The following KHDRBS2 variants were observed in gnomAD, a reference collection of about 807,000 sequenced individuals.
The protein encoded by KHDRBS2 is KH domain-containing, RNA-binding, signal transduction-associated protein 2.
Under a neutral mutation model 44.3 loss-of-function variants are expected in KHDRBS2, and 26 were observed. The observed-to-expected ratio is 0.59, with a 90% CI of 0.43 to 0.81. The LOEUF (loss-of-function observed/expected upper bound fraction) is 0.81. Ranked by LOEUF, KHDRBS2 falls within the 40% of genes least tolerant of loss-of-function variation. KHDRBS2 has a pLI of 0.00. For synonymous variants in KHDRBS2, 194 were observed against 151.1 expected (o/e 1.28, Z -2.08); for missense variants, 476 against 433.1 (o/e 1.10, Z -0.88).
At chr6:61,776,445 GA>G (rs1256309202) in intron 6 of KHDRBS2, among the ~76,000 whole-genome samples, 1 of 151,142 alleles carries the variant, frequency 6.6e-6, no homozygotes, top group African/African-American at 2.4e-5. Flanking sequence ...AAATTTACAA[GA>G]AAAAAACAAC....
the KHDRBS2 span, among the ~76,000 whole-genome samples, chr6:61,570,694 A>C: frequency 6.6e-6 from 1 of 152,208 alleles, no homozygotes; most frequent in East Asian, 1.9e-4. Context: ...CCTATAGAGG[A>C]AAACCTATCA....
the KHDRBS2 span, among the ~76,000 whole-genome samples, chr6:61,629,269 A>G: frequency 4.6e-5 from 7 of 152,208 alleles, no homozygotes; most frequent in African/African-American, 1.7e-4. Flanking sequence ...TGCACCTTTA[A>G]GTATAATAAG....
intron 1 of KHDRBS2, among the ~76,000 whole-genome samples, chr6:62,200,849 T>G (rs1826814005): frequency 6.6e-6 from 1 of 152,138 alleles, no homozygotes; most frequent in Non-Finnish European, 1.5e-5. Context: ...TGTCCAACAA[T>G]GATAGACTGG....
intron 3 of KHDRBS2, among the ~76,000 whole-genome samples, chr6:62,027,491 T>C (rs58054740): frequency 0.024 from 3,710 of 152,182 alleles, 147 homozygotes; most frequent in African/African-American, 0.082. Context: ...CCCATCTCTT[T>C]TCTTCACACC....
intron 3 of KHDRBS2, among the ~76,000 whole-genome samples, chr6:62,019,198 TTCGTATTAG>T (rs890869488): frequency 3.9e-5 from 6 of 151,996 alleles, no homozygotes; most frequent in African/African-American, 1.2e-4. Flanking sequence ...ACTAATAAAA[TTCGTATTAG>T]TAGTATTAGT....
chr6:62,051,070 T>C (rs1788918520), intron 2 of KHDRBS2, among the ~76,000 whole-genome samples: 1 of 152,092 alleles, frequency 6.6e-6, no homozygotes, highest in Admixed American at 6.6e-5. Context: ...ATATATGGTG[T>C]TAGACTTCAT....
chr6:62,055,456 AACATG>A (rs1790049506), intron 2 of KHDRBS2, among the ~76,000 whole-genome samples: 1 of 152,030 alleles, frequency 6.6e-6, no homozygotes, highest in African/African-American at 2.4e-5. Context: ...AGTGTGGAGA[AACATG>A]TACTTATATA....
the KHDRBS2 span, among the ~76,000 whole-genome samples, chr6:61,600,827 A>G: frequency 6.6e-6 from 1 of 152,120 alleles, no homozygotes; most frequent in East Asian, 1.9e-4. Context: ...TCACTATCCC[A>G]CAACCTCTTT....
At chr6:62,090,845 A>G (rs1389015267) in intron 2 of KHDRBS2, among the ~76,000 whole-genome samples, 1 of 152,180 alleles carries the variant, frequency 6.6e-6, no homozygotes, top group African/African-American at 2.4e-5. Context: ...AGGAAACATC[A>G]TTATATTCCT....
At chr6:61,798,646 A>G (rs1785767464) in intron 6 of KHDRBS2, among the ~76,000 whole-genome samples, 1 of 152,038 alleles carries the variant, frequency 6.6e-6, no homozygotes, top group African/African-American at 2.4e-5. Flanking sequence ...ATAAATGCAA[A>G]TAATTATCTT....
intron 8 of KHDRBS2, among the ~76,000 whole-genome samples, chr6:61,694,793 G>C (rs1187366395): frequency 2.6e-5 from 4 of 151,990 alleles, no homozygotes; most frequent in Non-Finnish European, 1.5e-5. Flanking sequence ...CAAAATTATA[G>C]CTGCACTTCC....
chr6:61,788,802 G>A (rs1390137109), intron 6 of KHDRBS2, among the ~76,000 whole-genome samples: 1 of 150,748 alleles, frequency 6.6e-6, no homozygotes, highest in Non-Finnish European at 1.5e-5. Flanking sequence ...GAAGTAAAAT[G>A]TTCATAGATT....
At chr6:61,775,444 C>T (rs1781789682) in intron 6 of KHDRBS2, among the ~76,000 whole-genome samples, 1 of 152,122 alleles carries the variant, frequency 6.6e-6, no homozygotes, top group Non-Finnish European at 1.5e-5. Flanking sequence ...TCAGCAAAGT[C>T]TCAGGATACA....
the KHDRBS2 span, among the ~76,000 whole-genome samples, chr6:61,619,299 C>T: frequency 6.8e-6 from 1 of 146,202 alleles, no homozygotes; most frequent in Non-Finnish European, 1.5e-5. Context: ...CATTGTATCA[C>T]TCTGTATGCC....
the KHDRBS2 span, among the ~76,000 whole-genome samples, chr6:61,550,488 G>A: frequency 6.6e-6 from 1 of 152,132 alleles, no homozygotes; most frequent in African/African-American, 2.4e-5. Flanking sequence ...TGATAGTGCT[G>A]CAAGGAACAA....
intron 1 of KHDRBS2, among the ~76,000 whole-genome samples, chr6:62,198,036 C>A (rs1210806148): frequency 6.6e-6 from 1 of 151,898 alleles, no homozygotes; most frequent in Non-Finnish European, 1.5e-5. Context: ...TCTTTGAAAC[C>A]AATGAGAACA....
chr6:61,831,321 C>T (rs1050915161), intron 6 of KHDRBS2, among the ~76,000 whole-genome samples: 5 of 151,948 alleles, frequency 3.3e-5, no homozygotes, highest in Non-Finnish European at 7.4e-5. Flanking sequence ...AAAGCATTAC[C>T]AGTTGTCCAA....
At chr6:62,169,203 A>G (rs865938170) in intron 2 of KHDRBS2, among the ~76,000 whole-genome samples, 50 of 109,176 alleles carry the variant, frequency 4.6e-4, no homozygotes, top group Admixed American at 1.7e-4. Context: ...ACATATATGT[A>G]TATATATGTA....
the KHDRBS2 span, among the ~76,000 whole-genome samples, chr6:61,602,549 G>A: frequency 9.9e-5 from 15 of 152,126 alleles, no homozygotes; most frequent in Non-Finnish European, 2.2e-4. Context: ...CTCCTTCCCA[G>A]ATCTTCTCAG....
Sources: gnomAD v4.1 joint callset for allele counts (sites outside exome capture counted in the v4.1 genomes callset) on GRCh38, gnomAD v4.1.1 for gene constraint, MANE v1.5 for transcripts, NCBI Gene and HGNC (gene_info 2026-07-23, HGNC 2026-07-21) for gene names.